The following FUT8 variants were observed in gnomAD, a reference collection of about 807,000 sequenced individuals.
FUT8 encodes alpha-(1,6)-fucosyltransferase.
In FUT8, 29 loss-of-function variants were observed where a neutral mutation model predicts 71.3. The ratio of observed to expected loss-of-function variants is 0.41; its 90% CI spans 0.30 to 0.55. FUT8 has a LOEUF of 0.55. Ranked by LOEUF, FUT8 falls within the 20% of genes least tolerant of loss-of-function variation. The pLI is 0.34. For synonymous variants in FUT8, 254 were observed against 239.3 expected, an observed-to-expected ratio of 1.06 and a Z score of -0.57; for missense variants, 544 against 702.1, an observed-to-expected ratio of 0.77 and a Z score of 2.55.
chr14:65,531,263 C>T (rs376260322), intron 2 of FUT8, among the ~76,000 whole-genome samples: 8 of 151,906 alleles, frequency 5.3e-5, no homozygotes, highest in African/African-American at 1.9e-4. Context: ...CATTTGGTGA[C>T]ATTAGCTTCA....
At chr14:65,680,503 T>C (rs1466077843) in intron 7 of FUT8, among the ~76,000 whole-genome samples, 1 of 152,220 alleles carries the variant, frequency 6.6e-6, no homozygotes, top group Non-Finnish European at 1.5e-5. Flanking sequence ...ATCAGTAATA[T>C]ATGGATCTAT....
chr14:65,600,036 C>T (rs1034298012), intron 3 of FUT8, among the ~76,000 whole-genome samples: 2 of 151,940 alleles, frequency 1.3e-5, no homozygotes, highest in Non-Finnish European at 2.9e-5. Flanking sequence ...TTCAGAAAAC[C>T]GATAGATTTT....
At position 65,432,406 on chromosome 14, in the gene FUT8, TTA is replaced by T. The variant is rs992199093; in HGVS notation, c.-326+19193_-326+19194del. Among the ~76,000 whole-genome samples, 110 of 151,160 alleles carry T rather than the reference TTA, an allele frequency of 7.3e-4. 1 individual carries two copies. The highest frequency in any genetic ancestry group is 2.2e-4 in the Non-Finnish European group (15 of 67,598). ...TTTTCTACTTTCCTTTTTTTTTTTT[TTA>T]AATTATTGGCTTTTCCTTCCCATTA... On this transcript the variant is annotated intron_variant, in intron 1 of 10. Coordinates refer to ENST00000673929, the MANE Select transcript of FUT8 (RefSeq NM_001371533.1).
chr14:65,715,220 A>G (rs141690303), intron 7 of FUT8, among the ~76,000 whole-genome samples: 1 of 152,314 alleles, frequency 6.6e-6, no homozygotes, highest in Non-Finnish European at 1.5e-5. Flanking sequence ...GGATCTATGT[A>G]TATGGCTTTT....
chr14:65,356,893 T>G, the FUT8 span, among the ~76,000 whole-genome samples: 5 of 152,226 alleles, frequency 3.3e-5, no homozygotes, highest in African/African-American at 1.2e-4. This position sits in a 1 kb window ranked among gnomAD's most constrained non-coding sequence, Gnocchi z 4.6. Flanking sequence ...GCAGAGGCAC[T>G]GAGGCCACTA....
the FUT8 span, among the ~76,000 whole-genome samples, chr14:65,368,127 T>C: frequency 1.3e-4 from 19 of 149,734 alleles, no homozygotes; most frequent in African/African-American, 2.9e-4. Context: ...GATCTCGGCT[T>C]ACTGCAAGCT....
intron 3 of FUT8, among the ~76,000 whole-genome samples, chr14:65,600,495 A>G (rs1313261756): frequency 6.6e-6 from 1 of 152,220 alleles, no homozygotes; most frequent in East Asian, 1.9e-4. Flanking sequence ...CGCTTACATT[A>G]AATAAGTGGT....
intron 6 of FUT8, among the ~76,000 whole-genome samples, chr14:65,656,220 C>A (rs913793394): frequency 2.0e-5 from 3 of 151,260 alleles, no homozygotes; most frequent in African/African-American, 7.3e-5. Flanking sequence ...AAAGACTCTT[C>A]CAAAAAAAAA....
At chr14:65,554,004 G>C (rs945734095) in intron 2 of FUT8, among the ~76,000 whole-genome samples, 1 of 151,312 alleles carries the variant, frequency 6.6e-6, no homozygotes, top group Non-Finnish European at 1.5e-5. Context: ...CTCTGTTCTT[G>C]TTTTCTTCAC....
intron 3 of FUT8, among the ~76,000 whole-genome samples, chr14:65,612,465 C>A (rs1251481298): frequency 6.6e-6 from 1 of 152,174 alleles, no homozygotes; most frequent in Non-Finnish European, 1.5e-5. Context: ...TCCTCTAATC[C>A]TTTTAGAGAG....
At chr14:65,706,429 A>G (rs1008359351) in intron 7 of FUT8, among the ~76,000 whole-genome samples, 2 of 152,212 alleles carry the variant, frequency 1.3e-5, no homozygotes, top group African/African-American at 4.8e-5. Context: ...AGGGCAGATA[A>G]GAGTGTTACC....
intron 1 of FUT8, 59 bp from the exon 2 acceptor site, chr14:65,455,559 TATA>T: frequency 2.5e-6 from 1 of 397,620 alleles, no homozygotes; most frequent in African/African-American, 2.1e-5. Context: ...TAAAAAATTA[TATA>T]ATAATGCTAA....
chr14:65,605,914 C>A (rs1187419081), intron 3 of FUT8, among the ~76,000 whole-genome samples: 2 of 151,806 alleles, frequency 1.3e-5, no homozygotes, highest in Non-Finnish European at 2.9e-5. Context: ...AGTTCATATA[C>A]TTTGTACATT....
chr14:65,678,630 G>C (rs1266359867), intron 7 of FUT8, among the ~76,000 whole-genome samples: 1 of 152,184 alleles, frequency 6.6e-6, no homozygotes, highest in African/African-American at 2.4e-5. Context: ...ATAATACTAA[G>C]AGAAGCAAAA....
At chr14:65,625,064 C>CATAAGTAA (rs1555376853) in intron 5 of FUT8, among the ~76,000 whole-genome samples, 1 of 146,418 alleles carries the variant, frequency 6.8e-6, no homozygotes, top group African/African-American at 2.5e-5. Flanking sequence ...GAAACTCTGT[C>CATAAGTAA]ATAAATAAAT....
intron 10 of FUT8, among the ~76,000 whole-genome samples, chr14:65,739,255 A>C (rs1415978356): frequency 1.3e-5 from 2 of 151,988 alleles, no homozygotes; most frequent in Non-Finnish European, 2.9e-5. Context: ...TTATGAGAAA[A>C]ATAAAGGGCC....
rs376473739 is a variant in FUT8, at chr14:65,576,696, CTTTTTTTTTTTTTTTTTTTTTTTTTTT to C, written c.203+14945_203+14971del. Among the ~76,000 whole-genome samples the C allele has an allele frequency of 1.1e-3, 109 of 96,198 alleles. 2 individuals are homozygous for C. In the East Asian group the frequency reaches 0.031, roughly 28 times the overall value. The allele number at this position is 96,198 out of a possible 152,430, so 63.1% of individuals were successfully genotyped here. A position where few individuals can be genotyped will look rare whatever the true frequency, so the allele number is the denominator to read the frequency against. On this transcript the variant is annotated intron_variant, in intron 3 of 10. Coordinates refer to ENST00000673929, the MANE Select transcript of FUT8 (RefSeq NM_001371533.1). ...GGTGTGTGCCATGATGCCCAGCTTGCTTTTTTTTTTTTTTTTTTTTTTTTTTTTTTTTTTTTTTTTTGAGACAGAGTC... is the reference window on the plus strand; with the variant it reads ...GGTGTGTGCCATGATGCCCAGCTTGCTTTTTTTTTTTTTTGAGACAGAGTC...
chr14:65,574,733 C>A lies in FUT8; in HGVS notation c.203+12967C>A, dbSNP rs914761072. ...ATGCTAATCTGGTTATTAATTGTTACCACATGATTTCAGACTAAACATTTC... is the reference window on the plus strand; with the variant it reads ...ATGCTAATCTGGTTATTAATTGTTAACACATGATTTCAGACTAAACATTTC... On this transcript the variant is annotated intron_variant, in intron 3 of 10. Coordinates refer to ENST00000673929, the MANE Select transcript of FUT8 (RefSeq NM_001371533.1). This position sits in a 1 kb window ranked among gnomAD's most constrained non-coding sequence, Gnocchi z 5.2. Among the ~76,000 whole-genome samples, 2 of 152,132 alleles carry A rather than the reference C, an allele frequency of 1.3e-5. No homozygotes were observed. The highest frequency in any genetic ancestry group is 2.9e-5 in the Non-Finnish European group (2 of 68,024).
At chr14:65,551,963 T>A (rs1885312767) in intron 2 of FUT8, among the ~76,000 whole-genome samples, 1 of 152,158 alleles carries the variant, frequency 6.6e-6, no homozygotes. Context: ...GACATAATGA[T>A]CATCTGTTTA....
Sources: gnomAD v4.1 joint callset for allele counts (sites outside exome capture counted in the v4.1 genomes callset) on GRCh38, gnomAD v4.1.1 for gene constraint, Gnocchi (gnomAD v3.1) non-coding constraint, MANE v1.5 for transcripts, NCBI Gene and HGNC (gene_info 2026-07-23, HGNC 2026-07-21) for gene names.